The following PIK3C2A variants were observed in gnomAD, a reference collection of about 807,000 sequenced individuals.
The protein encoded by PIK3C2A is phosphatidylinositol-4-phosphate 3-kinase catalytic subunit type 2 alpha.
Under a neutral mutation model 204.5 loss-of-function variants are expected in PIK3C2A, and 97 were observed. That is an observed-to-expected ratio of 0.47 (90% confidence interval 0.40 to 0.56). The LOEUF (loss-of-function observed/expected upper bound fraction) is 0.56, where lower values mean the gene tolerates loss of function less well. PIK3C2A is among the 20% of genes least tolerant of loss of function. PIK3C2A has a pLI of 0.00. For synonymous variants in PIK3C2A, 653 were observed against 664.4 expected, an observed-to-expected ratio of 0.98 and a Z score of 0.26; for missense variants, 1,735 against 1,969.2, an observed-to-expected ratio of 0.88 and a Z score of 2.25.
intron 2 of PIK3C2A, among the ~76,000 whole-genome samples, chr11:17,167,309 T>C (rs1397707964): frequency 1.3e-5 from 2 of 152,020 alleles, no homozygotes; most frequent in Non-Finnish European, 2.9e-5. Flanking sequence ...CTTCCAGACA[T>C]CCAAAATGTT....
intron 2 of PIK3C2A, among the ~76,000 whole-genome samples, chr11:17,162,627 C>A (rs930453158): frequency 2.0e-5 from 3 of 152,176 alleles, no homozygotes; most frequent in Non-Finnish European, 4.4e-5. Context: ...ATAAGGCAAA[C>A]ATCAAGCCAT....
rs61762019 is a variant in PIK3C2A, at chr11:17,118,549, A to G, written c.3035+96T>C. 4.5e-4 allele frequency: 283 copies of G among 632,420 alleles called. 2 individuals carry two copies. The African/African-American group carries it at 4.6e-3, about 10-fold the overall frequency. The allele number at this position is 632,420 out of a possible 1,614,324, so 39.2% of individuals were successfully genotyped here. A position where few individuals can be genotyped will look rare whatever the true frequency, so the allele number is the denominator to read the frequency against. ...TTCAATAAAATATCTTGTATCCACA[A>G]TAAGTAGTGTGGCATACCATTTAGA... is the stretch of plus-strand genomic sequence containing the variant. On this transcript the variant is annotated intron_variant, in intron 18 of 32. Coordinates refer to ENST00000691414, the MANE Select transcript of PIK3C2A (RefSeq NM_002645.4).
chr11:17,194,853 G>A (rs1187358082), intron 1 of PIK3C2A, among the ~76,000 whole-genome samples: 1 of 151,276 alleles, frequency 6.6e-6, no homozygotes. Flanking sequence ...AGGATGCAGT[G>A]AGCCGAGACT....
At chr11:17,117,704 CTTGG>C in intron 18 of PIK3C2A, 33 bp from the exon 19 acceptor site, 1 of 506,880 alleles carries the variant, frequency 2.0e-6, no homozygotes, top group Non-Finnish European at 3.2e-6. Context: ...TTAGTCACGT[CTTGG>C]TTTTTTTTTT....
intron 1 of PIK3C2A, among the ~76,000 whole-genome samples, chr11:17,197,551 T>C (rs937529542): frequency 6.6e-6 from 1 of 152,082 alleles, no homozygotes; most frequent in Non-Finnish European, 1.5e-5. Context: ...CCATGATAAT[T>C]TTCTATGTCT....
intron 32 of PIK3C2A, among the ~76,000 whole-genome samples, chr11:17,090,878 T>TAC (rs920760720): frequency 1.3e-5 from 2 of 151,954 alleles, no homozygotes; most frequent in African/African-American, 4.8e-5. Context: ...GAGCTGGGAT[T>TAC]ACAGGTGCGT....
At chr11:17,115,143 A>T (rs1459933128) in intron 19 of PIK3C2A, among the ~76,000 whole-genome samples, 1 of 152,058 alleles carries the variant, frequency 6.6e-6, no homozygotes, top group East Asian at 1.9e-4. Flanking sequence ...TGAAATTGCA[A>T]GTGTCCCCTG....
At chr11:17,117,708 G>GTTTTTTTTTTTTTTTTTT (rs35485246) in intron 18 of PIK3C2A, 37 bp from the exon 19 acceptor site, 1 of 291,872 alleles carries the variant, frequency 3.4e-6, no homozygotes, top group African/African-American at 3.8e-5. Context: ...TCACGTCTTG[G>GTTTTTTTTTTTTTTTTTT]TTTTTTTTTT....
intron 17 of PIK3C2A, 33 bp from the exon 18 acceptor site, chr11:17,118,772 T>A (rs765316293): frequency 1.0e-6 from 1 of 1,004,792 alleles, no homozygotes; most frequent in East Asian, 2.4e-5. Flanking sequence ...TTATTAGTGG[T>A]CTAACCCATA....
chr11:17,092,630 T>A (rs1848342246), intron 28 of PIK3C2A, among the ~76,000 whole-genome samples: 1 of 152,186 alleles, frequency 6.6e-6, no homozygotes, highest in African/African-American at 2.4e-5. Flanking sequence ...CGAGATCACT[T>A]ACACTCCAGC....
At chr11:17,171,048 A>G (rs61761997) in intron 1 of PIK3C2A, among the ~76,000 whole-genome samples, 1 of 152,316 alleles carries the variant, frequency 6.6e-6, no homozygotes, top group Non-Finnish European at 1.5e-5. Context: ...GCTTGCAGTG[A>G]GCCGAGATCA....
intron 25 of PIK3C2A, among the ~76,000 whole-genome samples, chr11:17,100,254 G>GGGA (rs1555015636): frequency 8.3e-6 from 1 of 120,624 alleles, no homozygotes; most frequent in Admixed American, 8.5e-5. Context: ...GGGGGCGGGG[G>GGGA]GGGGGGGCAG....
At chr11:17,119,737 C>T in intron 16 of PIK3C2A, 49 bp downstream of exon 16, 1 of 1,177,554 alleles carries the variant, frequency 8.5e-7, no homozygotes, top group Non-Finnish European at 1.2e-6. Context: ...ACATACCTTA[C>T]TGGAAAAACT....
chr11:17,109,476 T>A (rs772681227), intron 22 of PIK3C2A, among the ~76,000 whole-genome samples: 1 of 152,254 alleles, frequency 6.6e-6, no homozygotes, highest in African/African-American at 2.4e-5. Flanking sequence ...AATAGTAAGA[T>A]AGAAATCTGC....
chr11:17,184,157 T>C (rs1480409661), intron 1 of PIK3C2A, among the ~76,000 whole-genome samples: 1 of 151,470 alleles, frequency 6.6e-6, no homozygotes, highest in Non-Finnish European at 1.5e-5. Flanking sequence ...ATAACAGAGA[T>C]GAAAAACTCC....
chr11:17,168,718 G>A lies in PIK3C2A; in HGVS notation c.1024C>T (p.Arg342Ter), dbSNP rs368484462. 4 of 1,603,762 alleles carry A rather than the reference G, an allele frequency of 2.5e-6. No homozygotes were observed. The highest frequency in any genetic ancestry group is 1.1e-5 in the South Asian group (1 of 89,264). Residue 342 changes from arginine (R) to a stop codon, truncating the protein, a stop_gained, in exon 2 of 33, where the codon CGA becomes TGA. Transcript: ENST00000691414. LOFTEE classifies it high-confidence loss of function. ...TGGGCTTTTGCAAGCTGAGTTGTTC[G>A]AATATTTAAAGACTGGCTTCTTGTA... ...TVTRSQSLNI[R>*]TTQLAKAQGH...
At chr11:17,177,309 T>C (rs540896608) in intron 1 of PIK3C2A, among the ~76,000 whole-genome samples, 4 of 152,286 alleles carry the variant, frequency 2.6e-5, no homozygotes, top group Admixed American at 2.6e-4. Context: ...ACTAGCAAAT[T>C]TGTAATTTCA....
At chr11:17,108,386 G>T in intron 22 of PIK3C2A, among the ~76,000 whole-genome samples, 1 of 152,190 alleles carries the variant, frequency 6.6e-6, no homozygotes, top group Non-Finnish European at 1.5e-5. Context: ...GTAGGATTTC[G>T]TGAGACCAGT....
At chr11:17,198,271 G>A (rs185483394) in intron 1 of PIK3C2A, among the ~76,000 whole-genome samples, 96 of 151,946 alleles carry the variant, frequency 6.3e-4, no homozygotes, top group African/African-American at 2.1e-3. Context: ...CACCACACCC[G>A]GCTGATTTTT....
Sources: gnomAD v4.1 joint callset for allele counts (sites outside exome capture counted in the v4.1 genomes callset) on GRCh38, gnomAD v4.1.1 for gene constraint, MANE v1.5 for transcripts, NCBI Gene and HGNC (gene_info 2026-07-23, HGNC 2026-07-21) for gene names.